Variants in ACSS1 observed in about 807,000 individuals in gnomAD.
The protein encoded by ACSS1 is acetyl-coenzyme A synthetase 2-like, mitochondrial.
ACSS1 carries 42 observed loss-of-function variants against 75.3 expected under a neutral mutation model. The ratio of observed to expected loss-of-function variants is 0.56; its 90% CI spans 0.44 to 0.72. The LOEUF (loss-of-function observed/expected upper bound fraction) is 0.72. Among genes scored for constraint, ACSS1 ranks in the 30% least tolerant of loss-of-function variants. The pLI, the probability that ACSS1 is intolerant of heterozygous loss-of-function variation, is 0.00. For synonymous variants in ACSS1, 380 were observed against 376.8 expected (o/e 1.01, Z -0.10); for missense variants, 782 against 935.7 (o/e 0.84, Z 2.14).
chr20:25,023,038 T>C lies in ACSS1; in HGVS notation c.862A>G (p.Met288Val). Residue 288 changes from methionine to valine, a missense_variant, in exon 5 of 14, where the codon ATG becomes GTG. Met to Val is a conservative substitution (Grantham distance 21, BLOSUM62 1). Coordinates refer to ENST00000323482, the MANE Select transcript of ACSS1 (RefSeq NM_032501.4). ...CAPESMGSED[M>V]LFMLYTSGST... ...CCTGAGGTGTACAGCATGAAGAGCA[T>C]GTCCTCACTGCCCATGCTCTCTGGG... is the stretch of plus-strand genomic sequence containing the variant. 1.9e-6 allele frequency: 3 copies of C among 1,614,084 alleles called. No homozygotes were observed. Among genetic ancestry groups the C allele is most frequent in the South Asian group, 1.1e-5 (1 of 91,076 alleles).
At chr20:25,043,656 G>A (rs781552227) in intron 2 of ACSS1, among the ~76,000 whole-genome samples, 36 of 152,168 alleles carry the variant, frequency 2.4e-4, no homozygotes, top group Non-Finnish European at 4.4e-4. Flanking sequence ...CAATAAAAAG[G>A]CCAGGAAGGA....
At chr20:25,038,784 G>T (rs2088956422) in intron 2 of ACSS1, among the ~76,000 whole-genome samples, 1 of 152,150 alleles carries the variant, frequency 6.6e-6, no homozygotes, top group African/African-American at 2.4e-5. Context: ...CTCAGCCCGA[G>T]GCCTGTGCTT....
intron 2 of ACSS1, among the ~76,000 whole-genome samples, chr20:25,042,620 G>A (rs2089022775): frequency 6.6e-6 from 1 of 152,158 alleles, no homozygotes; most frequent in Non-Finnish European, 1.5e-5. Context: ...ATTAACTTGG[G>A]AGGTGAGCAG....
intron 2 of ACSS1, among the ~76,000 whole-genome samples, chr20:25,036,394 A>G (rs145307237): frequency 2.3e-4 from 35 of 152,332 alleles, no homozygotes; most frequent in Admixed American, 3.9e-4. Flanking sequence ...GACCAACACG[A>G]TAACTGCCTG....
At chr20:25,027,580 C>A (rs2088743129) in intron 3 of ACSS1, among the ~76,000 whole-genome samples, 1 of 152,054 alleles carries the variant, frequency 6.6e-6, no homozygotes, top group African/African-American at 2.4e-5. Flanking sequence ...AAATCCAACA[C>A]CCTTTGATGA....
intron 2 of ACSS1, among the ~76,000 whole-genome samples, chr20:25,039,090 C>T (rs948002052): frequency 4.6e-5 from 7 of 152,158 alleles, no homozygotes; most frequent in Non-Finnish European, 7.3e-5. Flanking sequence ...TATCCTGTAC[C>T]CAGGGCTGCT....
intron 7 of ACSS1, among the ~76,000 whole-genome samples, chr20:25,015,517 G>A (rs1029970306): frequency 4.6e-5 from 7 of 152,088 alleles, no homozygotes; most frequent in East Asian, 1.9e-4. Context: ...GGCTGGTCTC[G>A]AACTCCTGAC....
At position 25,013,963 on chromosome 20, in the gene ACSS1, T is replaced by C. The variant is rs1362980868; in HGVS notation, c.1450A>G (p.Lys484Glu). Residue 484 changes from lysine (K) to glutamate (E), a missense_variant and splice_region_variant, in exon 9 of 14, where the codon AAG (lysine) becomes GAG (glutamate). Around this residue, in one of 2 missense-constraint regions of ACSS1, gnomAD observed 405 missense variants for 552.6 expected, o/e 0.73. Transcript: ENST00000323482. ...ATGTGGGGGAGGCCCATACACACCTTCTCATCCATGAGGACGGGGACGATG... is the reference window on the plus strand; with the variant it reads ...ATGTGGGGGAGGCCCATACACACCTCCTCATCCATGAGGACGGGGACGATG... ...FGIVPVLMDE[K>E]GSVVEGSNVS... is the part of the protein sequence containing the mutation. The C allele has an allele frequency of 3.7e-6, 6 of 1,613,270 alleles. No individual in the cohort carries two copies. The highest frequency in any genetic ancestry group is 5.1e-6 in the Non-Finnish European group (6 of 1,179,658).
At chr20:25,021,883 A>G (rs1015278) in intron 5 of ACSS1, among the ~76,000 whole-genome samples, 145,122 of 152,300 alleles carry the variant, frequency 0.95, 69,192 homozygotes, top group East Asian at 1. Flanking sequence ...TTCCACAGCA[A>G]CTGAGTGGAG....
intron 2 of ACSS1, chr20:25,046,118 G>C (rs140006751): frequency 6.6e-6 from 1 of 152,222 alleles, no homozygotes; most frequent in East Asian, 1.9e-4. Flanking sequence ...TAGAGACGGG[G>C]TTTCACCATG....
At chr20:25,032,736 C>A (rs1470785216) in intron 2 of ACSS1, 7 of 1,097,040 alleles carry the variant, frequency 6.4e-6, no homozygotes, top group Non-Finnish European at 7.8e-6. Flanking sequence ...AACGAGGCCA[C>A]CCGGGAAACC....
chr20:25,046,970 T>C (rs1042116036), intron 2 of ACSS1: 2 of 777,264 alleles, frequency 2.6e-6, no homozygotes, highest in African/African-American at 3.4e-5. Context: ...GGAGCTGTGA[T>C]GGGCCTGAGG....
chr20:25,049,259 TG>T (rs376283301), intron 1 of ACSS1, among the ~76,000 whole-genome samples: 1 of 152,226 alleles, frequency 6.6e-6, no homozygotes, highest in African/African-American at 2.4e-5. Flanking sequence ...GTGGCAGACC[TG>T]AATTTACACA....
rs775016558 is a variant in ACSS1, at chr20:25,014,053, C to T, written c.1360G>A (p.Ala454Thr). 152 of 1,610,880 alleles carry T rather than the reference C, an allele frequency of 9.4e-5. No individual in the cohort carries two copies. The highest frequency in any genetic ancestry group is 4.3e-4 in the South Asian group (39 of 90,602). Residue 454 changes from alanine (A) to threonine (T), a missense_variant, in exon 9 of 14, where the codon GCA becomes ACA. Physicochemically the swap from Ala to Thr is moderately conservative, Grantham distance 58. Transcript: ENST00000323482. The stretch of plus-strand genomic sequence containing the variant: ...GCCCCTTCTTCCGAGGGCCGTGGTG[C>T]GATGCAGATGCCACCTGTTTCTGCA... ...WQTETGGICI[A>T]PRPSEEGAEI...
At chr20:25,012,284 T>C (rs1343544518) in intron 12 of ACSS1, 1 of 435,330 alleles carries the variant, frequency 2.3e-6, no homozygotes, top group East Asian at 4.4e-5. Context: ...GTAATGGGGC[T>C]GGACGGTGTC....
chr20:25,007,184 A>G lies in ACSS1; in HGVS notation c.*578T>C. ...CCAATTCAGACTTCCAAATACACTA[A>G]CAATAATTAAAAATGTGGCCTCTGA... is the stretch of plus-strand genomic sequence containing the variant. On this transcript the variant is annotated 3_prime_UTR_variant, in exon 14 of 14. Coordinates refer to ENST00000323482, the MANE Select transcript of ACSS1 (RefSeq NM_032501.4). The G allele has an allele frequency of 8.0e-7, 1 of 1,254,748 alleles. No homozygotes were observed. The highest frequency in any genetic ancestry group is 1.0e-6 in the Non-Finnish European group (1 of 996,422). The allele number at this position is 1,254,748 out of a possible 1,614,324, so 77.7% of individuals were successfully genotyped here. A position where few individuals can be genotyped will look rare whatever the true frequency, so the allele number is the denominator to read the frequency against.
At chr20:25,031,203 G>A in intron 2 of ACSS1, 1 of 585,558 alleles carries the variant, frequency 1.7e-6, no homozygotes, top group East Asian at 3.3e-5. Flanking sequence ...CTATCCTTAA[G>A]TCCGCTTACG....
chr20:25,007,983 C>T, intron 13 of ACSS1, 42 bp from the exon 14 acceptor site: 1 of 1,603,138 alleles, frequency 6.2e-7, no homozygotes. Flanking sequence ...GGATGGTGCC[C>T]AGCCTCTGTG....
At chr20:25,021,678 G>A in intron 5 of ACSS1, 142 bp from the exon 6 acceptor site, 2 of 1,011,670 alleles carry the variant, frequency 2.0e-6, no homozygotes, top group Non-Finnish European at 2.9e-6. Flanking sequence ...TCCAGCAGCA[G>A]GACAGGTGGG....
Sources: gnomAD v4.1 joint callset for allele counts (sites outside exome capture counted in the v4.1 genomes callset) on GRCh38, gnomAD v4.1.1 for gene constraint, gnomAD v4.1.1 regional missense constraint, MANE v1.5 for transcripts, NCBI Gene and HGNC (gene_info 2026-07-23, HGNC 2026-07-21) for gene names.